Variants in NEK10 observed in about 807,000 individuals in gnomAD.
NEK10 encodes serine/threonine-protein kinase Nek10.
In NEK10, 122 loss-of-function variants were observed where a neutral mutation model predicts 159.8. The ratio of observed to expected loss-of-function variants is 0.76; its 90% CI spans 0.66 to 0.89. The LOEUF (loss-of-function observed/expected upper bound fraction) is 0.89, where lower values mean the gene tolerates loss of function less well. Among genes scored for constraint, NEK10 ranks in the 40% least tolerant of loss-of-function variants. NEK10 has a pLI of 0.00. For missense variants in NEK10, 1,342 were observed against 1,323.1 expected (o/e 1.01, Z -0.22); for synonymous variants, 466 against 457.1 (o/e 1.02, Z -0.25).
chr3:27,329,279 T>C (rs1436676154), intron 5 of NEK10, among the ~76,000 whole-genome samples: 1 of 152,226 alleles, frequency 6.6e-6, no homozygotes, highest in Admixed American at 6.5e-5. Flanking sequence ...ACTTTTTTCC[T>C]GTATAAATTA....
intron 25 of NEK10, among the ~76,000 whole-genome samples, chr3:27,199,867 C>G (rs1034264385): frequency 3.3e-5 from 5 of 151,858 alleles, no homozygotes; most frequent in Non-Finnish European, 7.4e-5. Context: ...AACAGAAAAC[C>G]AAATACTACA....
chr3:27,281,292 G>A (rs2042141798), intron 22 of NEK10, among the ~76,000 whole-genome samples: 1 of 151,960 alleles, frequency 6.6e-6, no homozygotes, highest in African/African-American at 2.4e-5. Context: ...AAGAAATAAT[G>A]CAGGAAAACT....
At chr3:27,217,380 G>A (rs996732353) in intron 23 of NEK10, among the ~76,000 whole-genome samples, 1 of 152,214 alleles carries the variant, frequency 6.6e-6, no homozygotes, top group Non-Finnish European at 1.5e-5. Flanking sequence ...AGGGAACTTT[G>A]ACTCATGGCA....
chr3:27,346,742 C>T (rs1240576563), intron 3 of NEK10, among the ~76,000 whole-genome samples: 1 of 152,152 alleles, frequency 6.6e-6, no homozygotes, highest in African/African-American at 2.4e-5. Flanking sequence ...GGTGTACACA[C>T]TATTTTCCTG....
At chr3:27,131,026 T>C (rs1480407120) in intron 32 of NEK10, among the ~76,000 whole-genome samples, 1 of 152,216 alleles carries the variant, frequency 6.6e-6, no homozygotes, top group East Asian at 1.9e-4. Flanking sequence ...GCATTTCTTA[T>C]CAAAGAGCCT....
chr3:27,290,103 A>G (rs1384773841), intron 19 of NEK10, among the ~76,000 whole-genome samples: 1 of 152,236 alleles, frequency 6.6e-6, no homozygotes, highest in African/African-American at 2.4e-5. Context: ...TCCTCCTCAA[A>G]CAAACTTTCA....
At chr3:27,250,755 G>A (rs541513756) in intron 23 of NEK10, among the ~76,000 whole-genome samples, 13 of 151,780 alleles carry the variant, frequency 8.6e-5, no homozygotes, top group South Asian at 6.2e-4. Context: ...CTTCTGGCCC[G>A]TAAGGCTTCC....
chr3:27,185,154 A>G (rs1337336594), intron 26 of NEK10, among the ~76,000 whole-genome samples: 1 of 152,218 alleles, frequency 6.6e-6, no homozygotes, highest in East Asian at 1.9e-4. Flanking sequence ...TTAAAAAATA[A>G]TATTTGCTAA....
At chr3:27,317,964 G>A (rs1020392127) in intron 6 of NEK10, among the ~76,000 whole-genome samples, 18 of 151,926 alleles carry the variant, frequency 1.2e-4, no homozygotes, top group South Asian at 2.1e-4. Context: ...CACCACGCCC[G>A]GCTAATTTTT....
intron 6 of NEK10, among the ~76,000 whole-genome samples, chr3:27,315,058 T>C (rs987582904): frequency 1.3e-5 from 2 of 152,236 alleles, no homozygotes; most frequent in African/African-American, 2.4e-5. Context: ...TGGACCAGCC[T>C]AGAGATCTAC....
At chr3:27,272,400 C>A (rs753241097) in intron 22 of NEK10, among the ~76,000 whole-genome samples, 2 of 152,192 alleles carry the variant, frequency 1.3e-5, no homozygotes, top group Non-Finnish European at 2.9e-5. Context: ...CCCTCACCAG[C>A]TCTTGTATCT....
At chr3:27,330,959 G>C (rs534344453) in intron 5 of NEK10, among the ~76,000 whole-genome samples, 1 of 152,116 alleles carries the variant, frequency 6.6e-6, no homozygotes, top group African/African-American at 2.4e-5. Context: ...AACCTGGCTG[G>C]ATGCAGTGGC....
rs577284589 is a variant in NEK10, at chr3:27,162,355, T to A, written c.2869+346A>T. The A allele has an allele frequency of 1.3e-5, 19 of 1,494,216 alleles. No homozygotes were observed. The African/African-American group carries it at 2.5e-4, about 20-fold the overall frequency. 92.6% of individuals were successfully genotyped at this position (1,494,216 alleles called of 1,614,324 possible). On this transcript the variant is annotated intron_variant, in intron 30 of 35. Coordinates refer to ENST00000691995, the MANE Select transcript of NEK10 (RefSeq NM_001394966.1). ...AAACAAGGCAGAATTCTCCGCTCTTTGTATTAAAATTACCACCCAAGCATC... is the reference window on the plus strand; with the variant it reads ...AAACAAGGCAGAATTCTCCGCTCTTAGTATTAAAATTACCACCCAAGCATC...
intron 20 of NEK10, among the ~76,000 whole-genome samples, chr3:27,287,262 T>C (rs1258861631): frequency 6.6e-6 from 1 of 152,100 alleles, no homozygotes; most frequent in Non-Finnish European, 1.5e-5. Context: ...CATCGCCACC[T>C]TTGTGGCATT....
chr3:27,157,932 CT>C (rs1358607382), intron 30 of NEK10, among the ~76,000 whole-genome samples: 6 of 152,080 alleles, frequency 3.9e-5, no homozygotes, highest in African/African-American at 1.4e-4. Context: ...CTCAGATGAT[CT>C]TTAGCACTTT....
chr3:27,162,217 C>A (rs1215182287), intron 30 of NEK10: 2 of 541,916 alleles, frequency 3.7e-6, no homozygotes, highest in East Asian at 6.6e-5. Context: ...GGTTAACATT[C>A]CCGCCACGGC....
At position 27,162,660 on chromosome 3, in the gene NEK10, G is replaced by C. The variant is rs139791617; in HGVS notation, c.2869+41C>G. The C allele has an allele frequency of 3.7e-5, 60 of 1,614,074 alleles. No homozygotes were observed. The East Asian group carries it at 6.5e-4, about 17-fold the overall frequency. ...GTAACATAAATTACATTGAATTTTA[G>C]AGAGTTGTGTTTGATTTTATTGCTA... is the stretch of plus-strand genomic sequence containing the variant. On this transcript the variant is annotated intron_variant, in intron 30 of 35. Coordinates refer to ENST00000691995, the MANE Select transcript of NEK10 (RefSeq NM_001394966.1).
intron 26 of NEK10, among the ~76,000 whole-genome samples, chr3:27,183,560 CACAA>C (rs1427267790): frequency 6.6e-6 from 1 of 151,770 alleles, no homozygotes; most frequent in African/African-American, 2.4e-5. Flanking sequence ...CACTGACCAC[CACAA>C]ACAATTACAT....
chr3:27,217,772 C>A (rs1951679070), intron 23 of NEK10, among the ~76,000 whole-genome samples: 1 of 152,038 alleles, frequency 6.6e-6, no homozygotes, highest in Admixed American at 6.6e-5. Flanking sequence ...CTGAACCCAG[C>A]AACATATAAA....
Sources: allele counts gnomAD v4.1 joint callset (sites outside exome capture counted in the v4.1 genomes callset), GRCh38; gene constraint gnomAD v4.1.1; transcripts MANE v1.5; gene names NCBI Gene and HGNC (gene_info 2026-07-23, HGNC 2026-07-21).